The following GPHN variants were observed in gnomAD, a reference collection of about 807,000 sequenced individuals.
GPHN encodes the protein gephyrin.
Under a neutral mutation model 95.5 loss-of-function variants are expected in GPHN, and 17 were observed. That is an observed-to-expected ratio of 0.18 (90% confidence interval 0.12 to 0.27). GPHN has a LOEUF of 0.27. GPHN is among the 10% of genes least tolerant of loss of function. The probability of loss-of-function intolerance (pLI) is 1.00; values close to 1 mark genes in which losing one functional copy is unlikely to be tolerated. For synonymous variants in GPHN, 320 were observed against 322.5 expected (o/e 0.99, Z 0.08); for missense variants, 660 against 978.1 (o/e 0.67, Z 4.34).
At chr14:67,258,113 C>T in the GPHN span, among the ~76,000 whole-genome samples, 1 of 151,694 alleles carries the variant, frequency 6.6e-6, no homozygotes, top group Non-Finnish European at 1.5e-5. Context: ...TAATGCAGCA[C>T]GTATTGAGTT....
chr14:67,633,689 G>A, the GPHN span, among the ~76,000 whole-genome samples: 15 of 152,148 alleles, frequency 9.9e-5, no homozygotes, highest in African/African-American at 1.4e-4. Flanking sequence ...TAGAAACCAC[G>A]GTTGTTCCCC....
At chr14:66,660,903 C>T (rs986892827) in intron 1 of GPHN, among the ~76,000 whole-genome samples, 5 of 152,126 alleles carry the variant, frequency 3.3e-5, no homozygotes, top group Non-Finnish European at 7.4e-5. Context: ...GGAAACCATG[C>T]CCCTCCCACA....
intron 1 of GPHN, among the ~76,000 whole-genome samples, chr14:66,622,062 G>A (rs866849013): frequency 3.9e-5 from 6 of 152,070 alleles, no homozygotes; most frequent in Admixed American, 3.9e-4. Context: ...CTTCATGAGC[G>A]CCCCACCCCT....
intron 10 of GPHN, among the ~76,000 whole-genome samples, chr14:67,054,702 A>G (rs1252853528): frequency 6.6e-6 from 1 of 152,238 alleles, no homozygotes; most frequent in Non-Finnish European, 1.5e-5. Context: ...TTCAAACTCA[A>G]CTACAAGGCT....
At chr14:66,879,842 G>A in intron 4 of GPHN, 97 bp from the exon 5 acceptor site, 1 of 783,304 alleles carries the variant, frequency 1.3e-6, no homozygotes, top group Admixed American at 1.9e-5. Context: ...GTTATTGAAA[G>A]CCTGGTTTAT....
chr14:67,104,565 C>A (rs1328986641), intron 13 of GPHN, among the ~76,000 whole-genome samples: 1 of 151,582 alleles, frequency 6.6e-6, no homozygotes, highest in East Asian at 1.9e-4. Context: ...GTTTTCTATT[C>A]TTTTTGGCTC....
chr14:67,440,519 A>T, the GPHN span, among the ~76,000 whole-genome samples: 2 of 152,104 alleles, frequency 1.3e-5, no homozygotes, highest in Non-Finnish European at 2.9e-5. Flanking sequence ...CCGGCACCCG[A>T]GGTGGCCAGA....
intron 9 of GPHN, among the ~76,000 whole-genome samples, chr14:66,990,113 G>A (rs2071306741): frequency 6.6e-6 from 1 of 152,264 alleles, no homozygotes; most frequent in Admixed American, 6.5e-5. Flanking sequence ...AACAAGGTAC[G>A]TTGTATATGG....
intron 1 of GPHN, among the ~76,000 whole-genome samples, chr14:66,627,195 A>G (rs2063558154): frequency 6.6e-6 from 1 of 151,972 alleles, no homozygotes; most frequent in African/African-American, 2.4e-5. Flanking sequence ...TCTCTTACCT[A>G]TACCATTCAC....
chr14:66,530,904 G>A (rs777952664), intron 1 of GPHN, among the ~76,000 whole-genome samples: 56 of 151,654 alleles, frequency 3.7e-4, no homozygotes, highest in Non-Finnish European at 5.6e-4. Context: ...GTTCCTATTC[G>A]GCCATCTTGC....
intron 11 of GPHN, among the ~76,000 whole-genome samples, chr14:67,082,221 C>G (rs1381613144): frequency 6.6e-6 from 1 of 152,088 alleles, no homozygotes; most frequent in Non-Finnish European, 1.5e-5. Context: ...TTGATTCTAC[C>G]CACCCATGAG....
the GPHN span, chr14:67,333,756 T>C: frequency 6.6e-6 from 1 of 152,600 alleles, no homozygotes; most frequent in Non-Finnish European, 1.5e-5. Flanking sequence ...CAGCATAGTA[T>C]AATAGAATGT....
chr14:67,131,870 G>T (rs557629765), intron 17 of GPHN, among the ~76,000 whole-genome samples: 1 of 152,048 alleles, frequency 6.6e-6, no homozygotes, highest in African/African-American at 2.4e-5. Context: ...ATTGAATAAG[G>T]ATTCAACTTT....
chr14:67,681,503 C>A, the GPHN span, among the ~76,000 whole-genome samples: 1 of 152,156 alleles, frequency 6.6e-6, no homozygotes, highest in Non-Finnish European at 1.5e-5. Context: ...TAGTTCAAGG[C>A]CGGGTGTGGT....
the GPHN span, chr14:67,555,793 C>T: frequency 1.9e-6 from 3 of 1,611,470 alleles, no homozygotes; most frequent in East Asian, 2.2e-5. Context: ...GGACATGGCA[C>T]CTACATCTCC....
At chr14:67,651,613 G>A in the GPHN span, 1 of 971,196 alleles carries the variant, frequency 1.0e-6, no homozygotes, top group Non-Finnish European at 1.5e-6. Context: ...CACTTAGCAG[G>A]AAGTACTCAT....
the GPHN span, among the ~76,000 whole-genome samples, chr14:67,492,248 C>T: frequency 6.6e-6 from 1 of 152,194 alleles, no homozygotes; most frequent in Non-Finnish European, 1.5e-5. Context: ...CTGCTTGCTG[C>T]CTGAAAGGCT....
intron 5 of GPHN, among the ~76,000 whole-genome samples, chr14:66,892,737 G>C (rs1025977588): frequency 8.5e-5 from 13 of 152,126 alleles, no homozygotes; most frequent in African/African-American, 2.7e-4. Context: ...AAATAGAACA[G>C]TGCTTATGAG....
chr14:66,753,598 A>G (rs913617260), intron 2 of GPHN, among the ~76,000 whole-genome samples: 10 of 152,052 alleles, frequency 6.6e-5, no homozygotes, highest in African/African-American at 2.4e-4. Flanking sequence ...TACTGATCCA[A>G]CAGGAAAACT....
Sources: allele counts gnomAD v4.1 joint callset (sites outside exome capture counted in the v4.1 genomes callset), GRCh38; gene constraint gnomAD v4.1.1; transcripts MANE v1.5; gene names NCBI Gene and HGNC (gene_info 2026-07-23, HGNC 2026-07-21).